Variants in RNF115 observed in about 807,000 individuals in gnomAD.
The protein encoded by RNF115 is E3 ubiquitin-protein ligase RNF115.
RNF115 carries 31 observed loss-of-function variants against 39.2 expected under a neutral mutation model. The ratio of observed to expected loss-of-function variants is 0.79; its 90% CI spans 0.59 to 1.07. RNF115 has a LOEUF of 1.07. RNF115 is among the 50% of genes least tolerant of loss of function. RNF115 has a pLI of 0.00. For missense variants in RNF115, 384 were observed against 381.7 expected, an observed-to-expected ratio of 1.01 and a Z score of -0.05; for synonymous variants, 124 against 131.0, an observed-to-expected ratio of 0.95 and a Z score of 0.37.
Position 145,788,676 on chromosome 1 carries a change from A to T in RNF115, c.161+232T>A, listed in dbSNP as rs1467699963. ...CCACATACAATCAGGAGCAGTGCGT[A>T]TCACCACATCTGCTATGATATCACT... On this transcript the variant is annotated intron_variant, in intron 2 of 8. Transcript: ENST00000582693. 3 of 646,980 alleles carry T rather than the reference A, an allele frequency of 4.6e-6. No individual in the cohort carries two copies. In the Admixed American group the frequency reaches 6.2e-5, roughly 13 times the overall value. The allele number at this position is 646,980 out of a possible 1,614,324, so 40.1% of individuals were successfully genotyped here. A position where few individuals can be genotyped will look rare whatever the true frequency, so the allele number is the denominator to read the frequency against.
chr1:145,764,727 C>G (rs1571723339), intron 4 of RNF115, among the ~76,000 whole-genome samples: 1 of 151,822 alleles, frequency 6.6e-6, no homozygotes, highest in Non-Finnish European at 1.5e-5. Context: ...AGCCCCCGCC[C>G]GGCCAGCTGC....
chr1:145,808,112 G>C (rs1571779279), intron 1 of RNF115, among the ~76,000 whole-genome samples: 1 of 152,058 alleles, frequency 6.6e-6, no homozygotes. Flanking sequence ...TGGATACTCT[G>C]ATTCCGTCTT....
intron 4 of RNF115, among the ~76,000 whole-genome samples, chr1:145,754,135 G>A (rs917683113): frequency 2.0e-5 from 3 of 151,996 alleles, no homozygotes; most frequent in Admixed American, 1.3e-4. Context: ...ACACTATTCC[G>A]TTTGTTTGCT....
intron 1 of RNF115, among the ~76,000 whole-genome samples, chr1:145,794,856 A>C (rs1648881130): frequency 6.6e-6 from 1 of 151,568 alleles, no homozygotes; most frequent in Admixed American, 6.6e-5. Flanking sequence ...TCTCTACTAA[A>C]AATACAAAAA....
intron 3 of RNF115, chr1:145,772,656 C>G (rs1445045919): frequency 4.6e-5 from 7 of 152,148 alleles, no homozygotes; most frequent in Admixed American, 3.9e-4. Context: ...TTCCAAGATT[C>G]TCTCTTTATC....
intron 4 of RNF115, among the ~76,000 whole-genome samples, chr1:145,764,826 C>T (rs938176029): frequency 4.0e-5 from 6 of 151,756 alleles, no homozygotes; most frequent in South Asian, 4.2e-4. Context: ...CCCGGCCAGC[C>T]GCCCCGTCCG....
At chr1:145,807,593 T>C (rs1337244346) in intron 1 of RNF115, among the ~76,000 whole-genome samples, 1 of 152,206 alleles carries the variant, frequency 6.6e-6, no homozygotes, top group Non-Finnish European at 1.5e-5. Context: ...TAAATATTCA[T>C]GGGGTACATG....
At chr1:145,770,949 T>TA (rs1165483213) in intron 4 of RNF115, among the ~76,000 whole-genome samples, 2 of 152,170 alleles carry the variant, frequency 1.3e-5, no homozygotes, top group African/African-American at 4.8e-5. Context: ...TTTATCCTAT[T>TA]AAATTTTTTT....
At chr1:145,815,014 T>C (rs587682021) in intron 1 of RNF115, among the ~76,000 whole-genome samples, 5 of 152,384 alleles carry the variant, frequency 3.3e-5, no homozygotes, top group African/African-American at 7.2e-5. Flanking sequence ...TAGCACCAGA[T>C]AGACATCTCT....
chr1:145,812,404 T>C (rs1478449981), intron 1 of RNF115, among the ~76,000 whole-genome samples: 1 of 150,756 alleles, frequency 6.6e-6, no homozygotes, highest in Non-Finnish European at 1.5e-5. Flanking sequence ...ACACCTGTAA[T>C]CCCAGCACTT....
intron 1 of RNF115, among the ~76,000 whole-genome samples, chr1:145,796,617 G>A (rs1559125622): frequency 6.6e-6 from 1 of 151,858 alleles, no homozygotes; most frequent in Non-Finnish European, 1.5e-5. Flanking sequence ...GAACTCCTAA[G>A]CTCAAGCAAT....
At chr1:145,747,860 T>C (rs1657931861) in intron 8 of RNF115, 135 bp downstream of exon 8, 1 of 651,302 alleles carries the variant, frequency 1.5e-6, no homozygotes, top group Admixed American at 2.5e-5. Flanking sequence ...TCAGAAAAGT[T>C]CCAAACAAAT....
At position 145,766,290 on chromosome 1, in the gene RNF115, T is replaced by C. The variant is rs1320472794; in HGVS notation, c.428+5421A>G. Among the ~76,000 whole-genome samples, 6 of 152,318 alleles carry C rather than the reference T, an allele frequency of 3.9e-5. No individual in the cohort carries two copies. The East Asian group carries it at 5.8e-4, about 15-fold the overall frequency. On this transcript the variant is annotated intron_variant, in intron 4 of 8. Transcript: ENST00000582693. Reference sequence around the variant, plus strand: ...ACCCTGAGTGGACACAGCACATGTTTCAGAGAGCACAGGGTTGGGGGTAAG... The same window carrying C: ...ACCCTGAGTGGACACAGCACATGTTCCAGAGAGCACAGGGTTGGGGGTAAG...
At chr1:145,786,071 A>T (rs1414949176) in intron 2 of RNF115, among the ~76,000 whole-genome samples, 1 of 151,998 alleles carries the variant, frequency 6.6e-6, no homozygotes, top group African/African-American at 2.4e-5. Context: ...TGAAACCGCA[A>T]CTCTTATTTT....
intron 1 of RNF115, among the ~76,000 whole-genome samples, chr1:145,811,355 CAAAAAAAAA>C (rs71829191): frequency 1.3e-4 from 8 of 60,456 alleles, no homozygotes; most frequent in African/African-American, 2.4e-4. Context: ...CCATCACTAC[CAAAAAAAAA>C]AAAAAAAAAA....
chr1:145,755,862 C>T (rs1014697433), intron 4 of RNF115, among the ~76,000 whole-genome samples: 1 of 152,048 alleles, frequency 6.6e-6, no homozygotes, highest in Non-Finnish European at 1.5e-5. Context: ...TGTGGCCTTA[C>T]CATAACATGG....
chr1:145,796,467 C>A (rs1648985000), intron 1 of RNF115, among the ~76,000 whole-genome samples: 1 of 151,678 alleles, frequency 6.6e-6, no homozygotes, highest in Non-Finnish European at 1.5e-5. Context: ...CCCTCTGTCA[C>A]CCAAGCTGGA....
At chr1:145,760,454 G>A (rs190668641) in intron 4 of RNF115, among the ~76,000 whole-genome samples, 91 of 152,288 alleles carry the variant, frequency 6.0e-4, no homozygotes, top group Middle Eastern at 3.4e-3. Context: ...CCCACATGCT[G>A]TGAGAGGGAC....
At chr1:145,751,913 G>C (rs1658102470) in intron 5 of RNF115, among the ~76,000 whole-genome samples, 1 of 152,162 alleles carries the variant, frequency 6.6e-6, no homozygotes, top group African/African-American at 2.4e-5. Flanking sequence ...CTCATTATAA[G>C]AGGCCGCCCA....
Sources: gnomAD v4.1 joint callset for allele counts (sites outside exome capture counted in the v4.1 genomes callset) on GRCh38, gnomAD v4.1.1 for gene constraint, MANE v1.5 for transcripts, NCBI Gene and HGNC (gene_info 2026-07-23, HGNC 2026-07-21) for gene names.